QTMAN: variants seen among roughly 807,000 people sequenced by gnomAD.
The protein encoded by QTMAN is queuosine-tRNA mannosyltransferase.
chr2:144,052,089 G>GTT, the QTMAN span, among the ~76,000 whole-genome samples: 204 of 152,288 alleles, frequency 1.3e-3, no homozygotes, highest in African/African-American at 4.8e-3. Context: ...TGTAACTCCA[G>GTT]AAACCGAACA....
chr2:144,269,132 T>C, the QTMAN span, among the ~76,000 whole-genome samples: 1 of 152,212 alleles, frequency 6.6e-6, no homozygotes. Flanking sequence ...CTACGTAAGA[T>C]GTTACAAATG....
At chr2:143,941,254 T>C in the QTMAN span, 1 of 152,112 alleles carries the variant, frequency 6.6e-6, no homozygotes, top group Non-Finnish European at 1.5e-5. Context: ...GCCAGGGAAG[T>C]TACCTAAATG....
the QTMAN span, among the ~76,000 whole-genome samples, chr2:144,246,598 A>AG: frequency 2.0e-5 from 3 of 148,978 alleles, no homozygotes; most frequent in Admixed American, 6.6e-5. Flanking sequence ...AAAAAAAAAA[A>AG]AAAAGAAAAG....
the QTMAN span, among the ~76,000 whole-genome samples, chr2:144,146,454 C>T: frequency 1.3e-5 from 2 of 151,478 alleles, no homozygotes; most frequent in Admixed American, 6.6e-5. Context: ...GCTTGCCTAT[C>T]CATGTTTATA....
At chr2:144,087,702 T>C in the QTMAN span, among the ~76,000 whole-genome samples, 5 of 152,138 alleles carry the variant, frequency 3.3e-5, no homozygotes, top group South Asian at 4.2e-4. Context: ...CAAAAAACTA[T>C]ATAATCACCT....
the QTMAN span, among the ~76,000 whole-genome samples, chr2:144,173,525 T>A: frequency 6.6e-6 from 1 of 152,134 alleles, no homozygotes; most frequent in African/African-American, 2.4e-5. Context: ...AAGAACAACA[T>A]GCTACTAACA....
the QTMAN span, among the ~76,000 whole-genome samples, chr2:144,149,801 G>T: frequency 6.6e-6 from 1 of 151,958 alleles, no homozygotes; most frequent in Non-Finnish European, 1.5e-5. Flanking sequence ...CGAGATTAAA[G>T]ATTTTATTAT....
At chr2:143,956,461 C>G in the QTMAN span, among the ~76,000 whole-genome samples, 3 of 152,018 alleles carry the variant, frequency 2.0e-5, no homozygotes, top group Admixed American at 2.0e-4. Context: ...ATATATTACA[C>G]ATATACACAT....
the QTMAN span, among the ~76,000 whole-genome samples, chr2:144,092,337 G>A: frequency 1.4e-3 from 207 of 152,024 alleles, 2 homozygotes; most frequent in African/African-American, 4.8e-3. Context: ...CACCGTGCCT[G>A]GCTAATTTTT....
At chr2:144,139,052 T>C in the QTMAN span, among the ~76,000 whole-genome samples, 1 of 152,002 alleles carries the variant, frequency 6.6e-6, no homozygotes, top group African/African-American at 2.4e-5. Flanking sequence ...GTAAACATAA[T>C]GACGGAATAA....
the QTMAN span, chr2:144,332,385 C>T: frequency 1.3e-5 from 2 of 148,448 alleles, no homozygotes; most frequent in African/African-American, 2.4e-5. Flanking sequence ...GGAGGGGCCG[C>T]GCTCCCCGCC....
the QTMAN span, among the ~76,000 whole-genome samples, chr2:143,987,890 C>T: frequency 1.7e-4 from 26 of 152,208 alleles, no homozygotes; most frequent in Non-Finnish European, 3.2e-4. Context: ...CCCGCAACCC[C>T]AAAAAACACA....
the QTMAN span, among the ~76,000 whole-genome samples, chr2:144,269,228 T>C: frequency 6.6e-6 from 1 of 152,178 alleles, no homozygotes; most frequent in Non-Finnish European, 1.5e-5. Context: ...CATTTAAAAG[T>C]AAAATATAAT....
the QTMAN span, among the ~76,000 whole-genome samples, chr2:144,309,808 T>C: frequency 6.6e-6 from 1 of 152,230 alleles, no homozygotes; most frequent in Non-Finnish European, 1.5e-5. Context: ...CATTTGGAAA[T>C]AGCATCATTC....
At chr2:144,320,667 C>G in the QTMAN span, among the ~76,000 whole-genome samples, 1 of 152,208 alleles carries the variant, frequency 6.6e-6, no homozygotes, top group South Asian at 2.1e-4. Context: ...TAATGGACTT[C>G]CTGTACTAGA....
the QTMAN span, among the ~76,000 whole-genome samples, chr2:144,035,681 ACAGT>A: frequency 6.6e-6 from 1 of 152,214 alleles, no homozygotes; most frequent in Non-Finnish European, 1.5e-5. Flanking sequence ...CAAGTTTCAA[ACAGT>A]CAAATAATAA....
the QTMAN span, among the ~76,000 whole-genome samples, chr2:144,037,013 A>C: frequency 6.6e-6 from 1 of 152,236 alleles, no homozygotes; most frequent in African/African-American, 2.4e-5. Flanking sequence ...CAAAGAAACA[A>C]GATGCAAACA....
the QTMAN span, among the ~76,000 whole-genome samples, chr2:144,225,493 C>A: frequency 6.6e-6 from 1 of 152,124 alleles, no homozygotes; most frequent in African/African-American, 2.4e-5. Context: ...AGACCCCTTA[C>A]AATTTGGTTC....
At chr2:144,001,384 C>G in the QTMAN span, among the ~76,000 whole-genome samples, 3 of 151,834 alleles carry the variant, frequency 2.0e-5, no homozygotes, top group Non-Finnish European at 4.4e-5. Context: ...GCTTTTAGTT[C>G]TCAATGATTG....
Sources: allele counts gnomAD v4.1 joint callset (sites outside exome capture counted in the v4.1 genomes callset), GRCh38; gene constraint gnomAD v4.1.1; transcripts MANE v1.5; gene names NCBI Gene and HGNC (gene_info 2026-07-23, HGNC 2026-07-21).